Variants in TMPRSS3 observed in about 807,000 individuals in gnomAD.
TMPRSS3 encodes transmembrane protease serine 3.
A neutral mutation model predicts 59.6 loss-of-function variants in TMPRSS3; 55 were observed. The ratio of observed to expected loss-of-function variants is 0.92; its 90% CI spans 0.74 to 1.16. The LOEUF is 1.16. TMPRSS3 is among the 50% of genes most tolerant of loss of function. TMPRSS3 has a pLI of 0.00. For missense variants in TMPRSS3, 596 were observed against 579.4 expected (o/e 1.03, Z -0.29); for synonymous variants, 257 against 237.7 (o/e 1.08, Z -0.75).
chr21:42,381,910 C>T (rs1336675030), intron 9 of TMPRSS3, 155 bp downstream of exon 9: 6 of 954,996 alleles, frequency 6.3e-6, no homozygotes, highest in Non-Finnish European at 9.9e-6. Flanking sequence ...AAAAGATAAT[C>T]AACTGATGCC....
intron 10 of TMPRSS3, among the ~76,000 whole-genome samples, chr21:42,377,082 C>T (rs1201594074): frequency 6.6e-6 from 1 of 152,242 alleles, no homozygotes; most frequent in African/African-American, 2.4e-5. Flanking sequence ...CACTCAGCGT[C>T]TTTGTGAACT....
At chr21:42,395,669 CAAAA>C (rs138713556) in intron 1 of TMPRSS3, 689 of 241,992 alleles carry the variant, frequency 2.8e-3, no homozygotes, top group East Asian at 5.0e-3. Context: ...CTAGAATTAG[CAAAA>C]AAAAAAAAAA....
chr21:42,372,509 G>A lies in TMPRSS3; in HGVS notation c.*253C>T. ...AGGGAAGCGGAGGCTGCAGTGAGCAGGGATTTCGCCACTGCACTCCAGCCT... is the reference window on the plus strand; with the variant it reads ...AGGGAAGCGGAGGCTGCAGTGAGCAAGGATTTCGCCACTGCACTCCAGCCT... On this transcript the variant is annotated 3_prime_UTR_variant, in exon 13 of 13. Coordinates refer to ENST00000644384, the MANE Select transcript of TMPRSS3 (RefSeq NM_001256317.3). 1 of 642,590 alleles carries A rather than the reference G, an allele frequency of 1.6e-6. No individual in the cohort carries two copies. Among genetic ancestry groups the A allele is most frequent in the Non-Finnish European group, 2.9e-6 (1 of 348,578 alleles). The allele number at this position is 642,590 out of a possible 1,614,324, so 39.8% of individuals were successfully genotyped here. A position where few individuals can be genotyped will look rare whatever the true frequency, so the allele number is the denominator to read the frequency against.
At position 42,375,715 on chromosome 21, in the gene TMPRSS3, C is replaced by A. The variant is rs754473780; in HGVS notation, c.1344+1G>T. On this transcript the variant is annotated splice_donor_variant, in intron 12 of 12. Transcript: ENST00000644384. LOFTEE classifies it high-confidence loss of function. ...TGAGCTGGGGAGGGCGCCGCACCCACCTCCATCTGCTCGTGGATCCAGTCC... is the reference window on the plus strand; with the variant it reads ...TGAGCTGGGGAGGGCGCCGCACCCAACTCCATCTGCTCGTGGATCCAGTCC... The A allele has an allele frequency of 4.3e-6, 7 of 1,613,658 alleles. No individual in the cohort carries two copies. In the Admixed American group the frequency reaches 1.2e-4, roughly 27 times the overall value.
At chr21:42,376,755 G>C in intron 10 of TMPRSS3, 72 bp from the exon 11 acceptor site, 1 of 1,608,422 alleles carries the variant, frequency 6.2e-7, no homozygotes, top group South Asian at 1.1e-5. Flanking sequence ...CGCATGCTGA[G>C]ACCAGGGGGG....
intron 7 of TMPRSS3, chr21:42,383,423 A>G: frequency 3.3e-6 from 2 of 603,330 alleles, no homozygotes; most frequent in Non-Finnish European, 5.9e-6. Context: ...GCGGTGGGAA[A>G]AGCACCTGCC....
intron 5 of TMPRSS3, among the ~76,000 whole-genome samples, chr21:42,386,996 T>C (rs1024382167): frequency 2.6e-5 from 4 of 152,074 alleles, no homozygotes; most frequent in Admixed American, 2.0e-4. Flanking sequence ...ATGGGGGACA[T>C]CGCATTCCCT....
intron 10 of TMPRSS3, 84 bp from the exon 11 acceptor site, chr21:42,376,767 G>T: frequency 6.3e-7 from 1 of 1,592,900 alleles, no homozygotes; most frequent in Non-Finnish European, 8.6e-7. Flanking sequence ...CCAGGGGGGT[G>T]AGGGAACGAG....
intron 1 of TMPRSS3, 98 bp downstream of exon 1, chr21:42,395,844 G>A: frequency 2.2e-6 from 1 of 448,748 alleles, no homozygotes; most frequent in Non-Finnish European, 4.5e-6. Context: ...CCTTTCCATT[G>A]CTTTTTTGCG....
chr21:42,387,503 T>A (rs560293901), intron 5 of TMPRSS3, among the ~76,000 whole-genome samples: 5 of 152,234 alleles, frequency 3.3e-5, no homozygotes, highest in African/African-American at 7.2e-5. Flanking sequence ...CATTTCTGAA[T>A]CTCAGTTGGT....
chr21:42,395,104 C>T (rs1473802705), intron 2 of TMPRSS3, among the ~76,000 whole-genome samples: 1 of 152,146 alleles, frequency 6.6e-6, no homozygotes, highest in Non-Finnish European at 1.5e-5. Flanking sequence ...GAGAAGAAAA[C>T]ACCGGTCTCC....
At chr21:42,391,277 C>G (rs1260495085) in intron 2 of TMPRSS3, among the ~76,000 whole-genome samples, 1 of 152,178 alleles carries the variant, frequency 6.6e-6, no homozygotes, top group Admixed American at 6.5e-5. Context: ...AACTCCTGGG[C>G]TCAAGTGATT....
chr21:42,385,043 C>CTCTT, intron 6 of TMPRSS3, among the ~76,000 whole-genome samples: 1 of 119,164 alleles, frequency 8.4e-6, no homozygotes. Flanking sequence ...CTTCCTCCCT[C>CTCTT]CCTCCCTTCC....
intron 6 of TMPRSS3, 52 bp downstream of exon 6, chr21:42,385,357 C>T (rs1473017640): frequency 6.2e-7 from 1 of 1,611,670 alleles, no homozygotes. Context: ...CATCACAAAT[C>T]CAGCAGGTGA....
At chr21:42,381,592 G>T (rs2052529660) in intron 9 of TMPRSS3, among the ~76,000 whole-genome samples, 1 of 152,196 alleles carries the variant, frequency 6.6e-6, no homozygotes, top group Non-Finnish European at 1.5e-5. Flanking sequence ...GCCTCAAGAA[G>T]CTCTTTCTGC....
Position 42,388,437 on chromosome 21 carries a change from C to T in TMPRSS3, c.412G>A (p.Ala138Thr), listed in dbSNP as rs140614903. 3.5e-4 allele frequency: 569 copies of T among 1,614,206 alleles called. 1 individual carries two copies. The highest frequency in any genetic ancestry group is 1.2e-3 in the African/African-American group (88 of 75,044). Reference sequence around the variant, plus strand: ...CCCAGTTGGGCACAGGCAACATTTGCGTAGTGACCCTTCCAGTCATCGGAG... The same window carrying T: ...CCCAGTTGGGCACAGGCAACATTTGTGTAGTGACCCTTCCAGTCATCGGAG... Reference protein sequence around the residue: ...MCSDDWKGHYANVACAQLGFP... With the variant: ...MCSDDWKGHYTNVACAQLGFP... The change falls in exon 5 of 13, where the codon GCA (alanine) becomes ACA (threonine). Residue 138 changes from alanine (A) to threonine (T), a missense_variant. Physicochemically the swap from Ala to Thr is moderately conservative, Grantham distance 58. Coordinates refer to ENST00000644384, the MANE Select transcript of TMPRSS3 (RefSeq NM_001256317.3). The surrounding 1 kb of genome is among the most constrained non-coding windows in gnomAD (Gnocchi z 5.1).
intron 9 of TMPRSS3, among the ~76,000 whole-genome samples, chr21:42,381,129 G>A (rs1329776137): frequency 6.6e-6 from 1 of 152,190 alleles, no homozygotes; most frequent in African/African-American, 2.4e-5. Flanking sequence ...TATTTATTAT[G>A]CTTTCCCTGC....
Position 42,388,959 on chromosome 21 carries a change from A to C in TMPRSS3, c.292T>G (p.Cys98Gly). 6.2e-7 allele frequency: 1 copy of C among 1,614,224 alleles called. No individual in the cohort carries two copies. Among genetic ancestry groups the C allele is most frequent in the South Asian group, 1.1e-5 (1 of 91,088 alleles). Residue 98 changes from cysteine to glycine, a missense_variant, in exon 4 of 13, where the codon TGC becomes GGC. Physicochemically the swap from Cys to Gly is radical, Grantham distance 159 (BLOSUM62 -3). Transcript: ENST00000644384. This position sits in a 1 kb window ranked among gnomAD's most constrained non-coding sequence, Gnocchi z 5.1. ...LIARCDGVSD[C>G]KDGEDEYRCV... ...CGGTACTCGTCCTCCCCGTCTTTGC[A>C]ATCCGAGACTCCGTCACATCGAGCT...
Position 42,375,695 on chromosome 21 carries a change from TG to T in TMPRSS3, c.1344+20del. The T allele has an allele frequency of 1.9e-6, 3 of 1,613,612 alleles. No homozygotes were observed. The highest frequency in any genetic ancestry group is 2.5e-6 in the Non-Finnish European group (3 of 1,179,976). ...GTCAAAAGCCAGGGACAACGTGAGCTGGGGAGGGCGCCGCACCCACCTCCAT... is the reference window on the plus strand; with the variant it reads ...GTCAAAAGCCAGGGACAACGTGAGCTGGGAGGGCGCCGCACCCACCTCCAT... On this transcript the variant is annotated intron_variant, in intron 12 of 12. Transcript: ENST00000644384.
Sources: gnomAD v4.1 joint callset for allele counts (sites outside exome capture counted in the v4.1 genomes callset) on GRCh38, gnomAD v4.1.1 for gene constraint, Gnocchi (gnomAD v3.1) non-coding constraint, MANE v1.5 for transcripts, NCBI Gene and HGNC (gene_info 2026-07-23, HGNC 2026-07-21) for gene names.